Variants in MAGI1 observed in about 807,000 individuals in gnomAD.
MAGI1 encodes membrane associated guanylate kinase, WW and PDZ domain containing 1.
MAGI1 carries 58 observed loss-of-function variants against 139.9 expected under a neutral mutation model. The ratio of observed to expected loss-of-function variants is 0.41; its 90% CI spans 0.34 to 0.52. MAGI1 has a LOEUF of 0.52. MAGI1 is among the 20% of genes least tolerant of loss of function. The pLI is 0.12. For missense variants in MAGI1, 1,874 were observed against 1,901.6 expected (o/e 0.99, Z 0.27); for synonymous variants, 812 against 737.9 (o/e 1.10, Z -1.63).
chr3:65,391,237 T>C lies in MAGI1; in HGVS notation c.2321A>G (p.Glu774Gly), dbSNP rs374454357. 1.7e-5 allele frequency: 27 copies of C among 1,614,044 alleles called. No homozygotes were observed. The highest frequency in any genetic ancestry group is 2.1e-5 in the Non-Finnish European group (25 of 1,180,038). The part of the protein sequence containing the change: ...TQVLPEFPPA[E>G]AQAPDQTDSS... ...GTCAGTTTGATCTGGAGCTTGGGCC[T>C]CTGCAGGTGGGAACTCGGGGAGCAC... is the stretch of plus-strand genomic sequence containing the variant. Residue 774 changes from glutamate (E) to glycine (G), a missense_variant, in exon 14 of 23, where the codon GAG becomes GGG. Physicochemically the swap from Glu to Gly is moderately conservative, Grantham distance 98. Around this residue, in one of 5 missense-constraint regions of MAGI1, gnomAD observed 482 missense variants for 509.6 expected, o/e 0.95. Transcript: ENST00000402939.
chr3:65,794,880 T>C (rs1018360998), intron 1 of MAGI1, among the ~76,000 whole-genome samples: 5 of 141,272 alleles, frequency 3.5e-5, no homozygotes, highest in African/African-American at 1.3e-4. Flanking sequence ...TATCCGGGTA[T>C]AAGATGGGCA....
chr3:65,584,541 C>A (rs1340631993), intron 2 of MAGI1, among the ~76,000 whole-genome samples: 3 of 152,060 alleles, frequency 2.0e-5, no homozygotes, highest in Non-Finnish European at 4.4e-5. Flanking sequence ...AACCTAGGAA[C>A]AAGACACAGG....
intron 1 of MAGI1, among the ~76,000 whole-genome samples, chr3:65,922,419 A>G (rs6789168): frequency 0.45 from 68,268 of 151,920 alleles, 16,150 homozygotes; most frequent in East Asian, 0.75. Flanking sequence ...ATGAGCAGAT[A>G]CTCAGAGACA....
intron 1 of MAGI1, among the ~76,000 whole-genome samples, chr3:65,725,427 C>T (rs2033495423): frequency 6.6e-6 from 1 of 152,244 alleles, no homozygotes; most frequent in African/African-American, 2.4e-5. Context: ...TATTATACCA[C>T]CCCCCACAGG....
At chr3:65,540,822 G>A (rs1007013452) in intron 2 of MAGI1, among the ~76,000 whole-genome samples, 8 of 152,150 alleles carry the variant, frequency 5.3e-5, no homozygotes, top group Non-Finnish European at 1.2e-4. Flanking sequence ...TGCAAATGCA[G>A]CCATGTTGGT....
At chr3:65,801,617 T>C (rs12633730) in intron 1 of MAGI1, among the ~76,000 whole-genome samples, 39,248 of 152,074 alleles carry the variant, frequency 0.26, 5,326 homozygotes, top group East Asian at 0.42. Context: ...TAACAGCTCC[T>C]CGACCAATCA....
chr3:65,951,228 T>TGGTC (rs1158467272), intron 1 of MAGI1, among the ~76,000 whole-genome samples: 1 of 152,238 alleles, frequency 6.6e-6, no homozygotes, highest in Admixed American at 6.5e-5. Context: ...TGGAGCTGCA[T>TGGTC]GGTCCAATAT....
intron 2 of MAGI1, among the ~76,000 whole-genome samples, chr3:65,574,738 T>C (rs1368467636): frequency 2.0e-5 from 3 of 152,072 alleles, no homozygotes; most frequent in Non-Finnish European, 2.9e-5. Context: ...CAAGACAGTG[T>C]TGTACTGGTG....
chr3:66,012,025 C>T (rs773562052), intron 1 of MAGI1, among the ~76,000 whole-genome samples: 1 of 152,072 alleles, frequency 6.6e-6, no homozygotes, highest in Non-Finnish European at 1.5e-5. Flanking sequence ...TTAGCTGTAA[C>T]TCCCCCTACA....
At chr3:65,360,925 C>T in intron 22 of MAGI1, 1 of 1,386,424 alleles carries the variant, frequency 7.2e-7, no homozygotes, top group South Asian at 1.7e-5. Flanking sequence ...CATTCCTTCG[C>T]TCTTGGTCGG....
intron 12 of MAGI1, among the ~76,000 whole-genome samples, chr3:65,426,332 C>A (rs77065293): frequency 0.046 from 6,937 of 152,212 alleles, 504 homozygotes; most frequent in African/African-American, 0.15. Context: ...TGGACTAAAA[C>A]TACTAAAAAT....
intron 2 of MAGI1, among the ~76,000 whole-genome samples, chr3:65,501,362 C>T (rs1279387933): frequency 7.1e-6 from 1 of 140,408 alleles, no homozygotes; most frequent in African/African-American, 2.7e-5. Context: ...TTCTCAGCTA[C>T]TTGGGAGGCT....
intron 1 of MAGI1, among the ~76,000 whole-genome samples, chr3:65,780,786 G>C (rs2108004822): frequency 6.6e-6 from 1 of 152,322 alleles, no homozygotes; most frequent in East Asian, 1.9e-4. Context: ...TACAGAAGGG[G>C]GTTGATGAGA....
At chr3:65,876,353 C>G (rs899767547) in intron 1 of MAGI1, among the ~76,000 whole-genome samples, 16 of 151,790 alleles carry the variant, frequency 1.1e-4, no homozygotes, top group African/African-American at 3.4e-4. Context: ...CACCACCCCC[C>G]CCAAAAAAGG....
chr3:65,628,346 C>T (rs1032971133), intron 1 of MAGI1, among the ~76,000 whole-genome samples: 2 of 151,732 alleles, frequency 1.3e-5, no homozygotes, highest in African/African-American at 4.9e-5. Context: ...ATGGTTTATT[C>T]CAGCAAAAAG....
intron 6 of MAGI1, 36 bp downstream of exon 6, chr3:65,453,222 C>T: frequency 6.3e-7 from 1 of 1,584,714 alleles, no homozygotes; most frequent in Non-Finnish European, 8.7e-7. Context: ...ACAGTGCCCC[C>T]AATTCACTTA....
intron 12 of MAGI1, among the ~76,000 whole-genome samples, chr3:65,404,747 C>T (rs888577244): frequency 1.3e-5 from 2 of 152,150 alleles, no homozygotes; most frequent in Non-Finnish European, 2.9e-5. Flanking sequence ...TCACTGCTTG[C>T]CAAGACAGAA....
At chr3:65,694,975 C>T (rs1385552870) in intron 1 of MAGI1, among the ~76,000 whole-genome samples, 1 of 152,068 alleles carries the variant, frequency 6.6e-6, no homozygotes, top group Non-Finnish European at 1.5e-5. Flanking sequence ...TGTGAAATTT[C>T]TTTTGCATAT....
At chr3:65,403,861 T>C (rs1945111379) in intron 12 of MAGI1, among the ~76,000 whole-genome samples, 1 of 152,200 alleles carries the variant, frequency 6.6e-6, no homozygotes, top group South Asian at 2.1e-4. Flanking sequence ...TGCAATATTG[T>C]TGGTAGAAAA....
Sources: gnomAD v4.1 joint callset for allele counts (sites outside exome capture counted in the v4.1 genomes callset) on GRCh38, gnomAD v4.1.1 for gene constraint, gnomAD v4.1.1 regional missense constraint, MANE v1.5 for transcripts, NCBI Gene and HGNC (gene_info 2026-07-23, HGNC 2026-07-21) for gene names.